The following HMHB1 variants were observed in gnomAD, a reference collection of about 807,000 sequenced individuals.
HMHB1 encodes the protein minor histocompatibility protein HB-1.
Under a neutral mutation model 2.4 loss-of-function variants are expected in HMHB1, and 4 were observed. The ratio of observed to expected loss-of-function variants is 1.65; its 90% confidence interval spans 0.81 to 3.77. HMHB1 has a LOEUF of 3.77. Ranked by LOEUF, HMHB1 falls within the 30% of genes most tolerant of loss-of-function variation. The probability of loss-of-function intolerance (pLI) is 0.01; values close to 1 mark genes in which losing one functional copy is unlikely to be tolerated. For missense variants in HMHB1, 57 were observed against 44.2 expected, an observed-to-expected ratio of 1.29 and a Z score of -0.82; for synonymous variants, 22 against 17.6, an observed-to-expected ratio of 1.25 and a Z score of -0.63.
chr5:143,815,993 G>A (rs1030544632), intron 1 of HMHB1, among the ~76,000 whole-genome samples: 1 of 152,124 alleles, frequency 6.6e-6, no homozygotes, highest in African/African-American at 2.4e-5. Flanking sequence ...GGCGTGAGCC[G>A]CTGTGCCCAG....
At chr5:143,816,394 CATTAT>C (rs1759750107) in intron 1 of HMHB1, among the ~76,000 whole-genome samples, 1 of 152,096 alleles carries the variant, frequency 6.6e-6, no homozygotes, top group Non-Finnish European at 1.5e-5. Context: ...TCCACTGTGT[CATTAT>C]TATGCCTTTG....
intron 1 of HMHB1, among the ~76,000 whole-genome samples, 175 bp from the exon 2 acceptor site, chr5:143,820,305 G>A (rs1246426721): frequency 4.4e-5 from 3 of 68,874 alleles, no homozygotes; most frequent in East Asian, 3.9e-4. Context: ...GTGCTGCCCC[G>A]GCTCATCATA....
At chr5:143,819,127 A>G (rs1759779710) in intron 1 of HMHB1, among the ~76,000 whole-genome samples, 1 of 152,198 alleles carries the variant, frequency 6.6e-6, no homozygotes, top group Non-Finnish European at 1.5e-5. Context: ...TGAATGTGGT[A>G]ACAGAAGATA....
chr5:143,820,338 AAAAAAAAAAAAAC>A, intron 1 of HMHB1, 129 bp from the exon 2 acceptor site: 2 of 345,220 alleles, frequency 5.8e-6, no homozygotes, highest in Non-Finnish European at 1.1e-5. Context: ...AAAAAAAAAA[AAAAAAAAAAAAAC>A]AGAACAAAAC....
chr5:143,818,679 A>G (rs1281976097), intron 1 of HMHB1, among the ~76,000 whole-genome samples: 3 of 152,214 alleles, frequency 2.0e-5, no homozygotes, highest in Non-Finnish European at 2.9e-5. Context: ...GAGAAATAAC[A>G]TCTTTTTAAA....
At position 143,812,205 on chromosome 5, in the gene HMHB1, C is replaced by A; in HGVS notation, c.-63C>A. On this transcript the variant is annotated 5_prime_UTR_variant, in exon 1 of 2. Transcript: ENST00000289448. The stretch of plus-strand genomic sequence containing the variant: ...GGCGGCTTGCCCCGCATCTCAGAAG[C>A]CGGGCAGGCCCTGAGCCTTCTGACC... 6.7e-7 allele frequency: 1 copy of A among 1,494,992 alleles called. No individual in the cohort carries two copies. 92.6% of individuals were successfully genotyped at this position (1,494,992 alleles called of 1,614,324 possible).
intron 1 of HMHB1, 60 bp downstream of exon 1, chr5:143,812,364 A>G: frequency 7.1e-7 from 1 of 1,407,712 alleles, no homozygotes; most frequent in Non-Finnish European, 9.8e-7. Context: ...GAAGGGGCAG[A>G]GAAAATGAAA....
At chr5:143,812,722 C>T (rs1945032817) in intron 1 of HMHB1, among the ~76,000 whole-genome samples, 2 of 152,144 alleles carry the variant, frequency 1.3e-5, no homozygotes, top group African/African-American at 2.4e-5. Flanking sequence ...AGACCAGACC[C>T]GTCCTTTATC....
intron 1 of HMHB1, among the ~76,000 whole-genome samples, chr5:143,818,700 T>G (rs1229423530): frequency 6.6e-6 from 1 of 152,202 alleles, no homozygotes; most frequent in Non-Finnish European, 1.5e-5. Flanking sequence ...GGATACTTTA[T>G]GGAGTAATAA....
chr5:143,817,305 C>T (rs1045361978), intron 1 of HMHB1, among the ~76,000 whole-genome samples: 22 of 152,214 alleles, frequency 1.4e-4, no homozygotes, highest in African/African-American at 5.1e-4. Flanking sequence ...AAGGGTTTTC[C>T]CAATGTTCTC....
rs570778720 is a variant in HMHB1, at chr5:143,815,702, AT to A, written c.37+3413del. ...GCCACCATGCCTGGCTAATTTTTGT[AT>A]TTTTTTTTTTTTTTGAGACGGAGTC... On this transcript the variant is annotated intron_variant, in intron 1 of 1. Transcript: ENST00000289448. Among the ~76,000 whole-genome samples the A allele has an allele frequency of 4.3e-3, 328 of 75,660 alleles. 2 individuals carry two copies. The highest frequency in any genetic ancestry group is 5.3e-3 in the Admixed American group (43 of 8,128). 49.6% of individuals were successfully genotyped at this position (75,660 alleles called of 152,430 possible).
chr5:143,816,044 C>T (rs1244486024), intron 1 of HMHB1, among the ~76,000 whole-genome samples: 3 of 152,158 alleles, frequency 2.0e-5, no homozygotes, highest in African/African-American at 4.8e-5. Context: ...TTACATTAAG[C>T]TTTCTCAGAT....
intron 1 of HMHB1, among the ~76,000 whole-genome samples, 160 bp from the exon 2 acceptor site, chr5:143,820,320 A>AAAAAAAAAAAAAAAAAC (rs1759795827): frequency 3.8e-5 from 1 of 26,618 alleles, no homozygotes; most frequent in Non-Finnish European, 8.6e-5. Context: ...ATCATAAGTA[A>AAAAAAAAAAAAAAAAAC]AAAAAAAAAA....
chr5:143,814,277 A>G (rs1209002543), intron 1 of HMHB1, among the ~76,000 whole-genome samples: 1 of 152,236 alleles, frequency 6.6e-6, no homozygotes, highest in Non-Finnish European at 1.5e-5. Context: ...TCCTTGCAAA[A>G]TAACAATTTG....
In HMHB1 at chr5:143,812,295, G is replaced by GA; in HGVS notation, c.34dup (p.Arg12LysfsTer13). ...GGAGGAGCAGCCAGAATGCAGAGAA[G>GA]AAAAAAGAGGTGAGGGAGCGAGGAG... On this transcript the variant is annotated frameshift_variant, in exon 1 of 2. Coordinates refer to ENST00000289448, the MANE Select transcript of HMHB1 (RefSeq NM_021182.3). LOFTEE classifies it low-confidence loss of function (END_TRUNC). 4 of 1,551,594 alleles carry GA rather than the reference G, an allele frequency of 2.6e-6. No individual in the cohort carries two copies. Among genetic ancestry groups the GA allele is most frequent in the Non-Finnish European group, 3.5e-6 (4 of 1,146,948 alleles).
rs1345910283 is a variant in HMHB1 at position 143,812,284 on chromosome 5, A to G, written c.17A>G (p.Glu6Gly). The change falls in exon 1 of 2, where the codon GAA (glutamate) becomes GGA (glycine). Residue 6 changes from glutamate (E) to glycine (G), a missense_variant. Transcript: ENST00000289448. The stretch of plus-strand genomic sequence containing the variant: ...AAACCAGAACTGGAGGAGCAGCCAG[A>G]ATGCAGAGAAGAAAAAAGAGGTGAG... 3 of 1,551,618 alleles carry G rather than the reference A, an allele frequency of 1.9e-6. No homozygotes were observed. The African/African-American group carries it at 4.1e-5, about 21-fold the overall frequency.
chr5:143,815,600 T>C (rs537703489), intron 1 of HMHB1, among the ~76,000 whole-genome samples: 2 of 151,690 alleles, frequency 1.3e-5, no homozygotes, highest in South Asian at 4.2e-4. Context: ...CAATCTTGGC[T>C]CACTGCAACC....
intron 1 of HMHB1, among the ~76,000 whole-genome samples, chr5:143,817,287 A>T (rs962472063): frequency 6.6e-6 from 1 of 152,176 alleles, no homozygotes; most frequent in Non-Finnish European, 1.5e-5. Flanking sequence ...GCCTAAGCCA[A>T]TGTCTAGAAG....
At chr5:143,819,260 G>C (rs1421488897) in intron 1 of HMHB1, among the ~76,000 whole-genome samples, 1 of 152,180 alleles carries the variant, frequency 6.6e-6, no homozygotes, top group African/African-American at 2.4e-5. Context: ...GGAGCATGGA[G>C]TCACATAATA....
Sources: gnomAD v4.1 joint callset for allele counts (sites outside exome capture counted in the v4.1 genomes callset) on GRCh38, gnomAD v4.1.1 for gene constraint, MANE v1.5 for transcripts, NCBI Gene and HGNC (gene_info 2026-07-23, HGNC 2026-07-21) for gene names.